Variants in MMP25 observed in about 807,000 individuals in gnomAD.
MMP25 encodes matrix metallopeptidase 25.
MMP25 carries 68 observed loss-of-function variants against 62.1 expected under a neutral mutation model. That is an observed-to-expected ratio of 1.10 (90% CI 0.90 to 1.34). MMP25 has a LOEUF of 1.34. Ranked by LOEUF, MMP25 falls within the 40% of genes most tolerant of loss-of-function variation. The probability of loss-of-function intolerance (pLI) is 0.00; values close to 1 mark genes in which losing one functional copy is unlikely to be tolerated. For synonymous variants in MMP25, 407 were observed against 345.6 expected, an observed-to-expected ratio of 1.18 and a Z score of -1.97; for missense variants, 942 against 792.5, an observed-to-expected ratio of 1.19 and a Z score of -2.26.
intron 4 of MMP25, chr16:3,054,196 GCA>G (rs1955956783): frequency 6.6e-6 from 1 of 150,500 alleles, no homozygotes. Flanking sequence ...ACAGATGCAT[GCA>G]CAGAGTCAGG....
At chr16:3,050,591 C>T in intron 4 of MMP25, 45 bp downstream of exon 4, 1 of 1,484,096 alleles carries the variant, frequency 6.7e-7, no homozygotes, top group South Asian at 1.4e-5. Flanking sequence ...CAGGTCTGGT[C>T]TTAAGAATAA....
rs751928166 is a variant in MMP25, at chr16:3,057,523, C to T, written c.924-8C>T. ...CCCCTCTCTACTCACCTCTCCTTTCCTCCCCAGCCCATCCTTCCCCATCCC... is the reference window on the plus strand; with the variant it reads ...CCCCTCTCTACTCACCTCTCCTTTCTTCCCCAGCCCATCCTTCCCCATCCC... On this transcript the variant is annotated splice_region_variant and splice_polypyrimidine_tract_variant and intron_variant, in intron 6 of 9. Transcript: ENST00000336577. 1.2e-6 allele frequency: 2 copies of T among 1,613,504 alleles called. No homozygotes were observed. Among genetic ancestry groups the T allele is most frequent in the African/African-American group, 2.7e-5 (2 of 74,894 alleles).
chr16:3,055,187 C>T (rs1778944505), intron 4 of MMP25, among the ~76,000 whole-genome samples: 1 of 152,022 alleles, frequency 6.6e-6, no homozygotes, highest in African/African-American at 2.4e-5. Flanking sequence ...GCCGGGGCCC[C>T]TGTGGACTGC....
intron 4 of MMP25, chr16:3,056,771 C>G (rs148428885): frequency 2.5e-6 from 1 of 406,082 alleles, no homozygotes; most frequent in Non-Finnish European, 4.4e-6. Context: ...GGGGCCCCAT[C>G]GGTGTGTAAG....
In MMP25 at chr16:3,058,560, C is replaced by G. The variant is rs1450736610; in HGVS notation, c.1308C>G (p.Tyr436Ter). Residue 436 changes from tyrosine (Y) to a stop codon, truncating the protein, a stop_gained, in exon 9 of 10, where the codon TAC becomes TAG. Transcript: ENST00000336577. LOFTEE classifies it high-confidence loss of function. ...CCTACCTGGTCCGCGGCCGGCAGTA[C>G]TGGCGCTACGACGAGGCGGCGGCGC... ...GKTYLVRGRQYWRYDEAAARP... is the reference protein window; with the variant it reads ...GKTYLVRGRQ 1 of 1,610,884 alleles carries G rather than the reference C, an allele frequency of 6.2e-7. No homozygotes were observed.
At chr16:3,057,830 C>A in intron 7 of MMP25, 1 of 602,366 alleles carries the variant, frequency 1.7e-6, no homozygotes, top group Non-Finnish European at 2.9e-6. Flanking sequence ...TCCCTGGTAG[C>A]TGGGACCACA....
intron 2 of MMP25, 47 bp from the exon 3 acceptor site, chr16:3,049,962 G>A (rs749780903): frequency 6.2e-6 from 10 of 1,601,824 alleles, no homozygotes; most frequent in Non-Finnish European, 8.5e-6. Context: ...ATTAAGGCAG[G>A]CTCTCCTATT....
rs1309092295 is a variant in MMP25 at position 3,059,077 on chromosome 16, G to A, written c.1668G>A (p.Val556=). 3 of 1,546,600 alleles carry A rather than the reference G, an allele frequency of 1.9e-6. No homozygotes were observed. In the East Asian group the frequency reaches 7.3e-5, roughly 38 times the overall value. The change falls in exon 10 of 10, where the codon GTG becomes GTA. Residue 556 remains valine, a synonymous_variant. Transcript: ENST00000336577. The part of the protein sequence containing the change: ...PIPLLLLPLL[V]GGVASR ...CGCTGCTCCTCTTGCCCCTGCTGGT[G>A]GGGGGTGTAGCCTCCCGCTGATGGG...
intron 2 of MMP25, among the ~76,000 whole-genome samples, chr16:3,049,598 G>A (rs1445268473): frequency 1.3e-5 from 2 of 152,188 alleles, no homozygotes; most frequent in African/African-American, 4.8e-5. Context: ...CCTAATCTGG[G>A]TTTGAGGAGA....
chr16:3,059,014 G>T lies in MMP25; in HGVS notation c.1605G>T (p.Glu535Asp). ...CCGAAACCTGCGATTGTCAGTGCGA[G>T]CTCAACCAGGCCGCAGGACGTTGGC... ...PVSETCDCQC[E>D]LNQAAGRWPA... is the part of the protein sequence containing the mutation. The change falls in exon 10 of 10, where the codon GAG (glutamate) becomes GAT (aspartate). Residue 535 changes from glutamate (E) to aspartate (D), a missense_variant. Transcript: ENST00000336577. 1 of 1,556,474 alleles carries T rather than the reference G, an allele frequency of 6.4e-7. No homozygotes were observed. Among genetic ancestry groups the T allele is most frequent in the Non-Finnish European group, 8.7e-7 (1 of 1,149,960 alleles).
Position 3,058,994 on chromosome 16 carries a change from A to G in MMP25, c.1585A>G (p.Thr529Ala). Residue 529 changes from threonine (T) to alanine (A), a missense_variant, in exon 10 of 10, where the codon ACC (threonine) becomes GCC (alanine). Transcript: ENST00000336577. ...CCCCAAAGCGACCCCCGTGTCCGAA[A>G]CCTGCGATTGTCAGTGCGAGCTCAA... ...RPPKATPVSE[T>A]CDCQCELNQA... 1.3e-5 allele frequency: 21 copies of G among 1,556,066 alleles called. No homozygotes were observed. The highest frequency in any genetic ancestry group is 1.7e-5 in the Non-Finnish European group (20 of 1,149,832).
chr16:3,057,512 C>G lies in MMP25; in HGVS notation c.924-19C>G, dbSNP rs914392949. On this transcript the variant is annotated intron_variant, in intron 6 of 9. Coordinates refer to ENST00000336577, the MANE Select transcript of MMP25 (RefSeq NM_022468.5). ...GAAAACAAACCCCCCTCTCTACTCA[C>G]CTCTCCTTTCCTCCCCAGCCCATCC... 3 of 1,611,666 alleles carry G rather than the reference C, an allele frequency of 1.9e-6. No homozygotes were observed. The highest frequency in any genetic ancestry group is 2.5e-6 in the Non-Finnish European group (3 of 1,177,782).
intron 7 of MMP25, 66 bp downstream of exon 7, chr16:3,057,679 T>C: frequency 6.9e-7 from 1 of 1,446,680 alleles, no homozygotes; most frequent in Non-Finnish European, 9.7e-7. Flanking sequence ...CCACTGGGGC[T>C]GTGGGCTTAC....
intron 7 of MMP25, 36 bp from the exon 8 acceptor site, chr16:3,058,145 C>A: frequency 1.9e-6 from 3 of 1,604,160 alleles, no homozygotes. Flanking sequence ...CTCCTGCTGT[C>A]TCATGCCTTC....
Position 3,046,822 on chromosome 16 carries a change from G to T in MMP25, c.-96G>T. ...CCCTACTCGGTGCCGGGTGCCCCCC[G>T]CCCTCTCCAGGCCCGGATCTCCTCC... On this transcript the variant is annotated 5_prime_UTR_variant, in exon 1 of 10. Transcript: ENST00000336577. 3.2e-6 allele frequency: 2 copies of T among 619,290 alleles called. No individual in the cohort carries two copies. Among genetic ancestry groups the T allele is most frequent in the Non-Finnish European group, 5.0e-6 (2 of 400,112 alleles). 38.4% of individuals were successfully genotyped at this position (619,290 alleles called of 1,614,324 possible). A position where few individuals can be genotyped will look rare whatever the true frequency, so the allele number is the denominator to read the frequency against.
At chr16:3,058,126 G>A (rs117500319) in intron 7 of MMP25, 55 bp from the exon 8 acceptor site, 23,029 of 1,593,328 alleles carry the variant, frequency 0.014, 224 homozygotes, top group Non-Finnish European at 0.018. Context: ...ACACCCTGGG[G>A]GAGGAGACCT....
intron 2 of MMP25, among the ~76,000 whole-genome samples, chr16:3,048,191 C>T (rs1955849211): frequency 6.7e-6 from 1 of 149,400 alleles, no homozygotes; most frequent in African/African-American, 2.4e-5. Flanking sequence ...GCCTGTGGTC[C>T]CAGCTACTCA....
In MMP25 at chr16:3,050,250, C is replaced by T. The variant is rs1955881101; in HGVS notation, c.369-4C>T. The T allele has an allele frequency of 1.3e-6, 2 of 1,588,464 alleles. No individual in the cohort carries two copies. Among genetic ancestry groups the T allele is most frequent in the Non-Finnish European group, 1.7e-6 (2 of 1,164,192 alleles). The stretch of plus-strand genomic sequence containing the variant: ...ACCCTTACACCTCACTCCCCTCTCC[C>T]CAGGGTACGTTCCTTCCCCCAGAGC... On this transcript the variant is annotated splice_region_variant and splice_polypyrimidine_tract_variant and intron_variant, in intron 3 of 9. Transcript: ENST00000336577.
intron 4 of MMP25, chr16:3,052,742 G>C (rs1164871880): frequency 2.6e-5 from 4 of 153,568 alleles, no homozygotes; most frequent in African/African-American, 9.6e-5. Flanking sequence ...GTCTGGGCGG[G>C]AGTCTGCAGC....
Sources: gnomAD v4.1 joint callset for allele counts (sites outside exome capture counted in the v4.1 genomes callset) on GRCh38, gnomAD v4.1.1 for gene constraint, MANE v1.5 for transcripts, NCBI Gene and HGNC (gene_info 2026-07-23, HGNC 2026-07-21) for gene names.